The following DST variants were observed in gnomAD, a reference collection of about 807,000 sequenced individuals.
The protein encoded by DST is bullous pemphigoid antigen.
DST carries 253 observed loss-of-function variants against 875.2 expected under a neutral mutation model. The ratio of observed to expected loss-of-function variants is 0.29; its 90% CI spans 0.26 to 0.32. DST has a LOEUF of 0.32. Ranked by LOEUF, DST falls within the 10% of genes least tolerant of loss-of-function variation. DST has a pLI of 1.00. For synonymous variants in DST, 3,124 were observed against 3,197.1 expected (o/e 0.98, Z 0.77); for missense variants, 8,287 against 9,111.6 (o/e 0.91, Z 3.68).
chr6:56,505,768 A>G (rs2096289343), intron 77 of DST, among the ~76,000 whole-genome samples: 3 of 152,134 alleles, frequency 2.0e-5, no homozygotes, highest in Admixed American at 2.0e-4. Flanking sequence ...GAAACGGAGC[A>G]AGGTTAAGGG....
intron 61 of DST, among the ~76,000 whole-genome samples, chr6:56,550,590 G>T (rs1165850440): frequency 1.3e-5 from 2 of 152,152 alleles, no homozygotes; most frequent in Non-Finnish European, 2.9e-5. Context: ...CACCAAAGGG[G>T]AGACACCCGC....
intron 55 of DST, 117 bp downstream of exon 55, chr6:56,568,352 T>C: frequency 7.0e-6 from 8 of 1,140,094 alleles, no homozygotes; most frequent in Non-Finnish European, 9.8e-6. Context: ...TTCTTGTCAC[T>C]TTCACTTTGT....
intron 54 of DST, among the ~76,000 whole-genome samples, chr6:56,569,339 A>C (rs1359385180): frequency 6.9e-6 from 1 of 145,256 alleles, no homozygotes; most frequent in African/African-American, 2.8e-5. Flanking sequence ...AAAAAAAAAA[A>C]CAAAAACACA....
chr6:56,685,813 G>C (rs2099182081), intron 9 of DST, among the ~76,000 whole-genome samples: 1 of 152,126 alleles, frequency 6.6e-6, no homozygotes, highest in Admixed American at 6.6e-5. Flanking sequence ...TGCGGTTGCA[G>C]AGAAAAAGGG....
intron 4 of DST, among the ~76,000 whole-genome samples, chr6:56,751,435 A>G (rs2099586654): frequency 6.6e-6 from 1 of 151,774 alleles, no homozygotes; most frequent in Non-Finnish European, 1.5e-5. Context: ...TTTTCTTCAA[A>G]GAATATCTAT....
Position 56,552,618 on chromosome 6 carries a change from G to C in DST, c.16174C>G (p.Arg5392Gly), listed in dbSNP as rs755738894. 3 of 1,613,840 alleles carry C rather than the reference G, an allele frequency of 1.9e-6. No homozygotes were observed. Among genetic ancestry groups the C allele is most frequent in the South Asian group, 2.2e-5 (2 of 91,072 alleles). ...TCTGCGAACTGAGAAAACATTTCTC[G>C]AATGGTATTCTGGAAATGCCCAATG... ...QGIGHFQNTI[R>G]EMFSQFAEFD... The change falls in exon 61 of 104, where the codon CGA becomes GGA. Residue 5392 changes from arginine (R) to glycine (G), a missense_variant. Around this residue, in one of 10 missense-constraint regions of DST, gnomAD observed 1,513 missense variants for 1,677.8 expected, o/e 0.90. Coordinates refer to ENST00000680361, the MANE Select transcript of DST (RefSeq NM_001374736.1).
intron 20 of DST, 37 bp from the exon 21 acceptor site, chr6:56,639,648 T>G (rs752249151): frequency 6.2e-7 from 1 of 1,613,478 alleles, no homozygotes; most frequent in African/African-American, 1.3e-5. Flanking sequence ...ATCATGTTTT[T>G]GCCAAATATA....
chr6:56,693,120 A>G, intron 9 of DST: 2 of 1,288,486 alleles, frequency 1.6e-6, no homozygotes, highest in East Asian at 1.1e-4. Context: ...CTTCTTTCTC[A>G]GCTCTTACAC....
chr6:56,526,617 T>C (rs2096801570), intron 68 of DST, 50 bp from the exon 69 acceptor site: 3 of 1,542,724 alleles, frequency 1.9e-6, no homozygotes, highest in Non-Finnish European at 2.7e-6. Flanking sequence ...CAACAGACTT[T>C]TCCTTTAACT....
At chr6:56,630,469 G>A in intron 30 of DST, 86 bp from the exon 31 acceptor site, 4 of 1,150,498 alleles carry the variant, frequency 3.5e-6, no homozygotes, top group Non-Finnish European at 5.1e-6. Flanking sequence ...TATGACACAT[G>A]ACATAACATG....
rs367584614 is a variant in DST at position 56,517,231 on chromosome 6, G to A, written c.18324C>T (p.Thr6108=). The A allele has an allele frequency of 2.8e-5, 45 of 1,612,728 alleles. No homozygotes were observed. The highest frequency in any genetic ancestry group is 6.7e-5 in the African/African-American group (5 of 74,780). The change falls in exon 71 of 104, where the codon ACC becomes ACT. Residue 6108 remains threonine, a synonymous_variant. Coordinates refer to ENST00000680361, the MANE Select transcript of DST (RefSeq NM_001374736.1). The stretch of plus-strand genomic sequence containing the variant: ...ATTGCTTTTCCTCTTCACTGCATGC[G>A]GTCATGATTTTATGCCCAGATTTAA... ...DLVKSGHKIM[T]ACSEEEKQSM...
Position 56,604,486 on chromosome 6 carries a change from T to C in DST, c.10142A>G (p.Asp3381Gly), listed in dbSNP as rs1427660612. 6 of 1,612,346 alleles carry C rather than the reference T, an allele frequency of 3.7e-6. No homozygotes were observed. In the South Asian group the frequency reaches 6.6e-5, roughly 18 times the overall value. Residue 3381 changes from aspartate (D) to glycine (G), a missense_variant, in exon 40 of 104, where the codon GAC becomes GGC. Asp to Gly is a moderately conservative substitution (Grantham distance 94, BLOSUM62 -1). Around this residue, in one of 10 missense-constraint regions of DST, gnomAD observed 3,138 missense variants for 3,116.6 expected, o/e 1.01. Transcript: ENST00000680361. ...TAAATTTTGAATTAAAATTTTAGTGTCTGCACAGGCTGAAGGTTCTTCAAC... is the reference window on the plus strand; with the variant it reads ...TAAATTTTGAATTAAAATTTTAGTGCCTGCACAGGCTGAAGGTTCTTCAAC... ...QEVEEPSACADTKILIQNLIK... is the reference protein window; with the variant it reads ...QEVEEPSACAGTKILIQNLIK...
At chr6:56,911,242 C>T (rs925820988) in intron 2 of DST, among the ~76,000 whole-genome samples, 2 of 152,182 alleles carry the variant, frequency 1.3e-5, no homozygotes, top group Non-Finnish European at 2.9e-5. Context: ...CAGTGCTTCT[C>T]AAACTTTAAT....
intron 4 of DST, among the ~76,000 whole-genome samples, chr6:56,739,008 A>ATC (rs1423193440): frequency 1.3e-5 from 2 of 151,496 alleles, no homozygotes; most frequent in African/African-American, 2.4e-5. Flanking sequence ...TGATATTAAT[A>ATC]ATTATGAACC....
chr6:56,696,334 G>T (rs1588755333), intron 9 of DST, among the ~76,000 whole-genome samples: 1 of 152,024 alleles, frequency 6.6e-6, no homozygotes, highest in Non-Finnish European at 1.5e-5. Context: ...GGCGAATTTT[G>T]TATTTTCAGT....
Position 56,468,993 on chromosome 6 carries a change from G to T in DST, c.22558C>A (p.Leu7520Met). 6.3e-7 allele frequency: 1 copy of T among 1,578,142 alleles called. No homozygotes were observed. The highest frequency in any genetic ancestry group is 8.6e-7 in the Non-Finnish European group (1 of 1,160,208). ...QIGDNKYRFFLGNQFGDSQQL... is the reference protein window; with the variant it reads ...QIGDNKYRFFMGNQFGDSQQL... ...CCACTGGTTTATACCTGATTTCCCA[G>T]GAAGAACTGATAAAAATGAAAAATG... The change falls in exon 98 of 104, where the codon CTG (leucine) becomes ATG (methionine). Residue 7520 changes from leucine to methionine, a missense_variant. Physicochemically the swap from Leu to Met is conservative, Grantham distance 15. Around this residue, in one of 10 missense-constraint regions of DST, gnomAD observed 87 missense variants for 209.7 expected, o/e 0.41. Coordinates refer to ENST00000680361, the MANE Select transcript of DST (RefSeq NM_001374736.1).
In DST at chr6:56,608,395, C is replaced by A. The variant is rs775425312; in HGVS notation, c.6233G>T (p.Gly2078Val). ...GYVGLIWPHS[G>V]EIFPTSSSLQ... is the part of the protein sequence containing the mutation. ...GGAAGATGATGTGGGAAATATTTCA[C>A]CAGAATGGGGCCAAATGAGTCCAAC... The change falls in exon 40 of 104, where the codon GGT (glycine) becomes GTT (valine). Residue 2078 changes from glycine to valine, a missense_variant. Gly to Val is a moderately radical substitution (Grantham distance 109, BLOSUM62 -3). Around this residue, in one of 10 missense-constraint regions of DST, gnomAD observed 3,138 missense variants for 3,116.6 expected, o/e 1.01. Coordinates refer to ENST00000680361, the MANE Select transcript of DST (RefSeq NM_001374736.1). 1.2e-5 allele frequency: 20 copies of A among 1,613,276 alleles called. 1 individual carries two copies. In the South Asian group the frequency reaches 2.2e-4, roughly 18 times the overall value.
intron 49 of DST, among the ~76,000 whole-genome samples, chr6:56,584,271 A>G (rs904165660): frequency 2.0e-5 from 3 of 151,580 alleles, no homozygotes; most frequent in African/African-American, 7.3e-5. Context: ...TATTTCATTG[A>G]GCAGTGGTTT....
At chr6:56,711,661 A>G (rs532454661) in intron 5 of DST, among the ~76,000 whole-genome samples, 3 of 152,200 alleles carry the variant, frequency 2.0e-5, no homozygotes, top group Admixed American at 1.3e-4. Flanking sequence ...ACAGATTATT[A>G]AAGATGTATT....
Sources: gnomAD v4.1 joint callset for allele counts (sites outside exome capture counted in the v4.1 genomes callset) on GRCh38, gnomAD v4.1.1 for gene constraint, gnomAD v4.1.1 regional missense constraint, MANE v1.5 for transcripts, NCBI Gene and HGNC (gene_info 2026-07-23, HGNC 2026-07-21) for gene names.